Variants in FTCD observed in about 807,000 individuals in gnomAD.
FTCD encodes formimidoyltransferase cyclodeaminase.
In FTCD, 76 loss-of-function variants were observed where a neutral mutation model predicts 62.9. The ratio of observed to expected loss-of-function variants is 1.21; its 90% CI spans 1.00 to 1.46. The LOEUF (loss-of-function observed/expected upper bound fraction) is 1.46, where lower values mean the gene tolerates loss of function less well. Ranked by LOEUF, FTCD falls within the 40% of genes most tolerant of loss-of-function variation. FTCD has a pLI of 0.00. For synonymous variants in FTCD, 397 were observed against 336.9 expected (o/e 1.18, Z -1.95); for missense variants, 845 against 751.3 (o/e 1.12, Z -1.46).
At chr21:46,145,292 G>T in intron 10 of FTCD, 125 bp downstream of exon 10, 1 of 752,106 alleles carries the variant, frequency 1.3e-6, no homozygotes, top group Non-Finnish European at 2.1e-6. Context: ...CAGTGGTGAC[G>T]CCCTCAGGCC....
chr21:46,139,746 G>T (rs1258590857), intron 10 of FTCD, among the ~76,000 whole-genome samples: 1 of 152,190 alleles, frequency 6.6e-6, no homozygotes, highest in South Asian at 2.1e-4. Context: ...TGACTGGCTG[G>T]GGCATCATCC....
intron 10 of FTCD, among the ~76,000 whole-genome samples, chr21:46,141,952 C>T (rs574788765): frequency 6.6e-6 from 1 of 152,254 alleles, no homozygotes; most frequent in Non-Finnish European, 1.5e-5. Context: ...CAGTGGAAAA[C>T]CCAAGGGGCC....
At position 46,152,897 on chromosome 21, in the gene FTCD, G is replaced by GGGGGGGGGGGC; in HGVS notation, c.367+9_367+10insGCCCCCCCCCC. On this transcript the variant is annotated intron_variant, in intron 3 of 13. Coordinates refer to ENST00000397746, the MANE Select transcript of FTCD (RefSeq NM_206965.2). Reference sequence around the variant, plus strand: ...GGAGCAGAGTGAGGGGGGCGGGGGGGCACGCTCACCTGGCACGTCCAGCTC... The same window carrying GGGGGGGGGGGC: ...GGAGCAGAGTGAGGGGGGCGGGGGGGGGGGGGGGGGCCACGCTCACCTGGCACGTCCAGCTC... 2 of 1,209,978 alleles carry GGGGGGGGGGGC rather than the reference G, an allele frequency of 1.7e-6. No homozygotes were observed. The highest frequency in any genetic ancestry group is 2.3e-6 in the Non-Finnish European group (2 of 865,738). The allele number at this position is 1,209,978 out of a possible 1,614,324, so 75.0% of individuals were successfully genotyped here.
chr21:46,152,616 A>C (rs1432058949), intron 3 of FTCD: 1 of 340,448 alleles, frequency 2.9e-6, no homozygotes, highest in Non-Finnish European at 5.3e-6. Flanking sequence ...GATTTAGTTA[A>C]TTTCCCAAAG....
At chr21:46,153,315 G>C (rs371418767) in intron 2 of FTCD, among the ~76,000 whole-genome samples, 2 of 152,214 alleles carry the variant, frequency 1.3e-5, no homozygotes, top group African/African-American at 2.4e-5. Context: ...GCACCTGAGC[G>C]GGTGGTCTGG....
intron 10 of FTCD, 143 bp from the exon 11 acceptor site, chr21:46,139,066 G>A (rs982773984): frequency 1.9e-5 from 14 of 723,914 alleles, no homozygotes; most frequent in Middle Eastern, 5.0e-4. Flanking sequence ...TTGGGCCAGT[G>A]GTTTATAGCC....
rs1335013063 is a variant in FTCD, at chr21:46,145,462, T to C, written c.1215A>G (p.Leu405=). ...CGGCGTCGGCATCCACCAGCGTGGT[T>C]AGCTTGGCCGAAGCCTCGCGGAAGG... ...IPPFREASAK[L]TTLVDADAEA... Residue 405 remains leucine, a synonymous_variant, in exon 10 of 14, where the codon CTA becomes CTG. Transcript: ENST00000397746. 14 of 1,560,600 alleles carry C rather than the reference T, an allele frequency of 9.0e-6. No homozygotes were observed. The highest frequency in any genetic ancestry group is 1.2e-5 in the Non-Finnish European group (14 of 1,153,232).
At chr21:46,153,057 G>A (rs573372817) in intron 2 of FTCD, 22 bp from the exon 3 acceptor site, 185 of 1,542,626 alleles carry the variant, frequency 1.2e-4, no homozygotes, top group South Asian at 4.3e-4. Context: ...CGGCGAGGCC[G>A]GGCAGGAGGC....
chr21:46,136,432 G>C (rs552310238), downstream of FTCD: 2 of 1,612,570 alleles, frequency 1.2e-6, no homozygotes, highest in Non-Finnish European at 1.7e-6. Context: ...GACCTGCCGG[G>C]AGCTGCACCT....
Position 46,154,134 on chromosome 21 carries a change from G to A in FTCD, c.238+15C>T. The stretch of plus-strand genomic sequence containing the variant: ...TCTGAGACACGGCAGCCACAGGAGA[G>A]CCCAGAGACCTCACCTTGGTGCCTG... On this transcript the variant is annotated intron_variant, in intron 2 of 13. Coordinates refer to ENST00000397746, the MANE Select transcript of FTCD (RefSeq NM_206965.2). The A allele has an allele frequency of 3.7e-6, 6 of 1,611,996 alleles. No individual in the cohort carries two copies. Among genetic ancestry groups the A allele is most frequent in the Non-Finnish European group, 5.1e-6 (6 of 1,179,232 alleles).
At chr21:46,145,134 G>C (rs1400484634) in intron 10 of FTCD, among the ~76,000 whole-genome samples, 4 of 152,212 alleles carry the variant, frequency 2.6e-5, no homozygotes, top group Non-Finnish European at 5.9e-5. Flanking sequence ...TGGGCTCCTG[G>C]CTCCCCTGCT....
At chr21:46,146,228 G>T in intron 8 of FTCD, 38 bp downstream of exon 8, 4 of 1,462,952 alleles carry the variant, frequency 2.7e-6, no homozygotes, top group African/African-American at 1.4e-5. Flanking sequence ...GGCAGAGCCC[G>T]GGAGGGGTGA....
chr21:46,138,887 T>C lies in FTCD; in HGVS notation c.1297A>G (p.Lys433Glu). The change falls in exon 11 of 14, where the codon AAG (lysine) becomes GAG (glutamate). Residue 433 changes from lysine (K) to glutamate (E), a missense_variant. Physicochemically the swap from Lys to Glu is moderately conservative, Grantham distance 56. Coordinates refer to ENST00000397746, the MANE Select transcript of FTCD (RefSeq NM_206965.2). ...CCGGCCCTCCAGGCTCACCTGTCCT[T>C]TTCCTCAGGTGTGTTCTTGGGGAGC... ...MRLPKNTPEEKDRRTAALQEG... is the reference protein window; with the variant it reads ...MRLPKNTPEEEDRRTAALQEG... 6.2e-7 allele frequency: 1 copy of C among 1,612,652 alleles called. No individual in the cohort carries two copies. The highest frequency in any genetic ancestry group is 8.5e-7 in the Non-Finnish European group (1 of 1,178,832).
At chr21:46,150,981 C>T (rs1455860390) in intron 5 of FTCD, among the ~76,000 whole-genome samples, 1 of 152,226 alleles carries the variant, frequency 6.6e-6, no homozygotes, top group African/African-American at 2.4e-5. Context: ...CTTAGAGGTC[C>T]CTGTGCTTTT....
chr21:46,149,924 C>T (rs1386430746), intron 7 of FTCD, among the ~76,000 whole-genome samples, 195 bp downstream of exon 7: 1 of 151,968 alleles, frequency 6.6e-6, no homozygotes, highest in Non-Finnish European at 1.5e-5. Flanking sequence ...CACAGCTGAG[C>T]ATATCATAGG....
rs780882900 is a variant in FTCD at position 46,146,252 on chromosome 21, G to A, written c.968+14C>T. 5 of 1,577,718 alleles carry A rather than the reference G, an allele frequency of 3.2e-6. 1 individual carries two copies. Among genetic ancestry groups the A allele is most frequent in the African/African-American group, 2.7e-5 (2 of 74,256 alleles). The stretch of plus-strand genomic sequence containing the variant: ...CGGGAGGGGTGAGAAGAGGGCGGGA[G>A]GGCAGAGGCTCACTCGATGATCCGC... On this transcript the variant is annotated intron_variant, in intron 8 of 13. Coordinates refer to ENST00000397746, the MANE Select transcript of FTCD (RefSeq NM_206965.2).
intron 10 of FTCD, 79 bp downstream of exon 10, chr21:46,145,338 G>A (rs2079114068): frequency 4.1e-6 from 5 of 1,221,858 alleles, no homozygotes; most frequent in Non-Finnish European, 5.7e-6. Flanking sequence ...GCCGGAGGCT[G>A]ACCCGCTTCT....
chr21:46,139,079 T>G, intron 10 of FTCD, 156 bp from the exon 11 acceptor site: 46 of 683,478 alleles, frequency 6.7e-5, no homozygotes, highest in East Asian at 3.1e-4. Flanking sequence ...TTATAGCCCT[T>G]AGCATCAGGC....
intron 10 of FTCD, among the ~76,000 whole-genome samples, chr21:46,141,855 G>A (rs188910359): frequency 3.4e-4 from 52 of 152,334 alleles, no homozygotes; most frequent in Middle Eastern, 3.4e-3. Context: ...TAACCTGCCC[G>A]GTAATGAGAA....
Sources: allele counts gnomAD v4.1 joint callset (sites outside exome capture counted in the v4.1 genomes callset), GRCh38; gene constraint gnomAD v4.1.1; transcripts MANE v1.5; gene names NCBI Gene and HGNC (gene_info 2026-07-23, HGNC 2026-07-21).